Variants in RIGI observed in about 807,000 individuals in gnomAD.
The protein encoded by RIGI is antiviral innate immune response receptor RIG-I.
the RIGI span, among the ~76,000 whole-genome samples, chr9:32,514,124 G>T: frequency 2.0e-5 from 3 of 152,240 alleles, no homozygotes; most frequent in African/African-American, 7.2e-5. Flanking sequence ...TACACTTTTG[G>T]TGGGAGTGTA....
chr9:32,494,535 G>A, the RIGI span, among the ~76,000 whole-genome samples: 1 of 151,822 alleles, frequency 6.6e-6, no homozygotes, highest in South Asian at 2.1e-4. Flanking sequence ...TTTTAAAATT[G>A]TAGTAAAAAA....
chr9:32,462,373 T>C, the RIGI span, among the ~76,000 whole-genome samples: 3 of 151,340 alleles, frequency 2.0e-5, no homozygotes, highest in African/African-American at 7.3e-5. Flanking sequence ...AAATTCAAAT[T>C]TGCTTTATAT....
the RIGI span, among the ~76,000 whole-genome samples, chr9:32,507,604 G>A: frequency 2.0e-5 from 3 of 151,918 alleles, no homozygotes; most frequent in Non-Finnish European, 4.4e-5. Context: ...CTTTACGTAT[G>A]CATTTATTTA....
chr9:32,475,027 C>T, the RIGI span, among the ~76,000 whole-genome samples: 1 of 152,198 alleles, frequency 6.6e-6, no homozygotes, highest in Non-Finnish European at 1.5e-5. Flanking sequence ...TCTCAGCTCA[C>T]CGCAGCCTTC....
chr9:32,520,160 C>T, the RIGI span, among the ~76,000 whole-genome samples: 1 of 151,438 alleles, frequency 6.6e-6, no homozygotes. Flanking sequence ...AGTTAACTAT[C>T]TTACTTTGGT....
the RIGI span, among the ~76,000 whole-genome samples, chr9:32,518,525 A>G: frequency 2.6e-5 from 4 of 152,232 alleles, no homozygotes; most frequent in Admixed American, 6.5e-5. Flanking sequence ...GACAGAGAAA[A>G]TACAAAGTAT....
At chr9:32,466,289 C>A in the RIGI span, 1 of 1,613,314 alleles carries the variant, frequency 6.2e-7, no homozygotes, top group Non-Finnish European at 8.5e-7. Flanking sequence ...CGTAGACTTA[C>A]CTTTTCCCTA....
At chr9:32,477,271 GGTACAACCT>G in the RIGI span, 1 of 914,510 alleles carries the variant, frequency 1.1e-6, no homozygotes. Context: ...GTTTTAAATT[GGTACAACCT>G]TTTAAGAGGT....
the RIGI span, among the ~76,000 whole-genome samples, chr9:32,466,132 T>C: frequency 4.0e-4 from 61 of 152,216 alleles, 1 homozygote; most frequent in Admixed American, 1.8e-3. Flanking sequence ...TTTAACCTCA[T>C]TGACATTTAA....
the RIGI span, among the ~76,000 whole-genome samples, chr9:32,508,778 G>A: frequency 6.6e-6 from 1 of 152,086 alleles, no homozygotes; most frequent in African/African-American, 2.4e-5. Flanking sequence ...AAAGGGGGCT[G>A]AAGCCAGGGA....
the RIGI span, among the ~76,000 whole-genome samples, chr9:32,470,906 A>T: frequency 2.6e-5 from 4 of 152,260 alleles, no homozygotes; most frequent in African/African-American, 9.6e-5. Context: ...GTTCACACTG[A>T]TAAACTGAGT....
At chr9:32,491,774 C>T in the RIGI span, among the ~76,000 whole-genome samples, 8 of 149,054 alleles carry the variant, frequency 5.4e-5, no homozygotes, top group East Asian at 4.0e-4. Context: ...CCTTTTCTGA[C>T]TGACTCTTGA....
the RIGI span, among the ~76,000 whole-genome samples, chr9:32,503,341 G>A: frequency 6.6e-6 from 1 of 152,070 alleles, no homozygotes; most frequent in South Asian, 2.1e-4. Context: ...CCCAATATCT[G>A]CTGCTACAGA....
the RIGI span, among the ~76,000 whole-genome samples, chr9:32,508,239 ATTTTTT>A: frequency 5.1e-4 from 36 of 70,340 alleles, 2 homozygotes; most frequent in African/African-American, 1.9e-3. Context: ...TATTTACTTA[ATTTTTT>A]TTTTTTTTTT....
the RIGI span, among the ~76,000 whole-genome samples, chr9:32,473,711 A>G: frequency 3.3e-5 from 5 of 152,222 alleles, no homozygotes; most frequent in African/African-American, 9.6e-5. Context: ...TCTACATACT[A>G]GCAACAAACT....
chr9:32,511,622 G>A, the RIGI span, among the ~76,000 whole-genome samples: 6 of 151,950 alleles, frequency 3.9e-5, no homozygotes, highest in African/African-American at 1.5e-4. Flanking sequence ...GCCCACAGGA[G>A]AAAGAGGGAA....
chr9:32,512,688 C>T, the RIGI span, among the ~76,000 whole-genome samples: 2 of 152,208 alleles, frequency 1.3e-5, no homozygotes, highest in Non-Finnish European at 2.9e-5. Context: ...CTCCCCACTC[C>T]TATTCAACAT....
At chr9:32,485,166 T>A in the RIGI span, 1 of 1,576,626 alleles carries the variant, frequency 6.3e-7, no homozygotes, top group Non-Finnish European at 8.6e-7. Flanking sequence ...AATATGAGAT[T>A]TATCTCACCG....
At chr9:32,492,263 C>T in the RIGI span, 6 of 1,004,316 alleles carry the variant, frequency 6.0e-6, no homozygotes, top group East Asian at 2.6e-5. Flanking sequence ...AATCCAGCTT[C>T]CTGCTGGTCT....
Sources: allele counts gnomAD v4.1 joint callset (sites outside exome capture counted in the v4.1 genomes callset), GRCh38; gene constraint gnomAD v4.1.1; transcripts MANE v1.5; gene names NCBI Gene and HGNC (gene_info 2026-07-23, HGNC 2026-07-21).